The following KATNAL1 variants were observed in gnomAD, a reference collection of about 807,000 sequenced individuals.
KATNAL1 encodes katanin p60 ATPase-containing subunit A-like 1.
A neutral mutation model predicts 55.2 loss-of-function variants in KATNAL1; 32 were observed. That is an observed-to-expected ratio of 0.58 (90% confidence interval 0.44 to 0.78). KATNAL1 has a LOEUF of 0.78. KATNAL1 is among the 30% of genes least tolerant of loss of function. KATNAL1 has a pLI of 0.00. For synonymous variants in KATNAL1, 193 were observed against 193.6 expected, an observed-to-expected ratio of 1.00 and a Z score of 0.02; for missense variants, 466 against 600.9, an observed-to-expected ratio of 0.78 and a Z score of 2.35.
intron 1 of KATNAL1, among the ~76,000 whole-genome samples, chr13:30,301,938 C>T (rs1369298621): frequency 6.6e-6 from 1 of 152,214 alleles, no homozygotes; most frequent in Non-Finnish European, 1.5e-5. Flanking sequence ...ATGGTGCAAT[C>T]TCAGCTCACT....
At chr13:30,273,238 G>T (rs890089665) in intron 3 of KATNAL1, among the ~76,000 whole-genome samples, 52 of 152,200 alleles carry the variant, frequency 3.4e-4, no homozygotes, top group African/African-American at 1.1e-3. Context: ...CCCTTTTTCA[G>T]CCAGACTCAT....
chr13:30,296,281 G>A, intron 1 of KATNAL1: 1 of 1,212,962 alleles, frequency 8.2e-7, no homozygotes, highest in Non-Finnish European at 1.2e-6. Context: ...TCTACCCTCT[G>A]GACTTCACTT....
intron 3 of KATNAL1, among the ~76,000 whole-genome samples, chr13:30,258,551 A>G (rs1208291126): frequency 6.6e-6 from 1 of 152,200 alleles, no homozygotes; most frequent in Non-Finnish European, 1.5e-5. Flanking sequence ...CTTGATAAAG[A>G]GGTCATGATT....
At chr13:30,225,611 T>C (rs1419137526) in intron 9 of KATNAL1, among the ~76,000 whole-genome samples, 1 of 150,588 alleles carries the variant, frequency 6.6e-6, no homozygotes, top group Non-Finnish European at 1.5e-5. Context: ...TAAGTGATGA[T>C]ACAACTGCAT....
intron 3 of KATNAL1, among the ~76,000 whole-genome samples, chr13:30,266,244 C>T (rs190706676): frequency 1.3e-5 from 2 of 151,978 alleles, no homozygotes; most frequent in Admixed American, 6.5e-5. Context: ...TCAAGTGATC[C>T]GCCCACCTCG....
intron 1 of KATNAL1, among the ~76,000 whole-genome samples, chr13:30,290,452 A>G (rs78610082): frequency 0.02 from 3,076 of 152,354 alleles, 39 homozygotes; most frequent in Non-Finnish European, 0.032. Context: ...CACACACCAA[A>G]GCTTGCCCAA....
At chr13:30,276,507 G>A (rs1473752110) in intron 3 of KATNAL1, among the ~76,000 whole-genome samples, 9 of 140,744 alleles carry the variant, frequency 6.4e-5, no homozygotes, top group Non-Finnish European at 1.4e-4. Flanking sequence ...ATTACAAGGT[G>A]AGAGATGGCA....
At position 30,207,288 on chromosome 13, in the gene KATNAL1, T is replaced by C. The variant is rs183006904; in HGVS notation, c.*1252A>G. Reference sequence around the variant, plus strand: ...ATTTATTTTTCTGGCTTCTTTCTAATGTGTAATTCCTGCTGAATTGAGTGA... The same window carrying C: ...ATTTATTTTTCTGGCTTCTTTCTAACGTGTAATTCCTGCTGAATTGAGTGA... On this transcript the variant is annotated 3_prime_UTR_variant, in exon 11 of 11. Transcript: ENST00000380615. 44 of 152,342 alleles carry C rather than the reference T, an allele frequency of 2.9e-4. No individual in the cohort carries two copies. Among genetic ancestry groups the C allele is most frequent in the African/African-American group, 1.0e-3 (43 of 41,564 alleles). The allele number at this position is 152,342 out of a possible 1,614,324, so 9.4% of individuals were successfully genotyped here.
intron 4 of KATNAL1, among the ~76,000 whole-genome samples, chr13:30,251,539 G>A (rs1372404267): frequency 1.3e-5 from 2 of 152,156 alleles, no homozygotes; most frequent in Non-Finnish European, 2.9e-5. Context: ...ATAAGAAGGT[G>A]CCATCTAGAA....
At chr13:30,229,718 T>C (rs1239360826) in intron 8 of KATNAL1, among the ~76,000 whole-genome samples, 1 of 150,172 alleles carries the variant, frequency 6.7e-6, no homozygotes, top group African/African-American at 2.5e-5. Flanking sequence ...ACTCTGAACC[T>C]TAAACAAAAA....
intron 4 of KATNAL1, among the ~76,000 whole-genome samples, chr13:30,246,262 TTGACAAACC>T (rs1337389830): frequency 6.6e-6 from 1 of 152,168 alleles, no homozygotes; most frequent in African/African-American, 2.4e-5. Flanking sequence ...CATCTGATCT[TTGACAAACC>T]TGACAAAAAC....
chr13:30,227,601 T>C (rs1875638329), intron 8 of KATNAL1, 55 bp from the exon 9 acceptor site: 5 of 1,564,166 alleles, frequency 3.2e-6, no homozygotes, highest in Non-Finnish European at 4.4e-6. Context: ...CTTTATTCTT[T>C]CATTCAATTA....
chr13:30,303,093 A>G (rs1020588011), intron 1 of KATNAL1, among the ~76,000 whole-genome samples: 8 of 152,258 alleles, frequency 5.3e-5, no homozygotes, highest in Non-Finnish European at 1.5e-5. Flanking sequence ...TAGGCTGCCT[A>G]ATAGGAGCTT....
intron 1 of KATNAL1, among the ~76,000 whole-genome samples, chr13:30,295,272 T>C (rs1375707808): frequency 1.3e-5 from 2 of 152,200 alleles, no homozygotes; most frequent in African/African-American, 2.4e-5. Flanking sequence ...AGTAAGAACA[T>C]TTGTGATTCA....
intron 1 of KATNAL1, among the ~76,000 whole-genome samples, chr13:30,305,895 T>A (rs9506288): frequency 1.3e-5 from 2 of 152,036 alleles, no homozygotes; most frequent in African/African-American, 4.8e-5. Flanking sequence ...TCAAACCTTA[T>A]GTTGTATCAC....
intron 9 of KATNAL1, among the ~76,000 whole-genome samples, chr13:30,218,358 C>T (rs1463715565): frequency 6.6e-6 from 1 of 151,992 alleles, no homozygotes; most frequent in Admixed American, 6.6e-5. Context: ...GAAAGGAGTA[C>T]ATTGGGCTCA....
At chr13:30,269,812 G>A (rs1880118492) in intron 3 of KATNAL1, among the ~76,000 whole-genome samples, 1 of 150,560 alleles carries the variant, frequency 6.6e-6, no homozygotes, top group Non-Finnish European at 1.5e-5. Context: ...CGCCCCATCT[G>A]AGAAGTGAGG....
At chr13:30,267,388 T>G (rs1879860497) in intron 3 of KATNAL1, among the ~76,000 whole-genome samples, 1 of 152,234 alleles carries the variant, frequency 6.6e-6, no homozygotes, top group Admixed American at 6.5e-5. Context: ...ATTATTCTAC[T>G]GATTTATAAA....
intron 1 of KATNAL1, among the ~76,000 whole-genome samples, chr13:30,285,716 CA>C (rs1255757789): frequency 6.6e-6 from 1 of 152,158 alleles, no homozygotes; most frequent in Non-Finnish European, 1.5e-5. Context: ...GAGGTTGGAA[CA>C]GTTTGGAGGG....
Sources: allele counts gnomAD v4.1 joint callset (sites outside exome capture counted in the v4.1 genomes callset), GRCh38; gene constraint gnomAD v4.1.1; transcripts MANE v1.5; gene names NCBI Gene and HGNC (gene_info 2026-07-23, HGNC 2026-07-21).